The following CRYBA4 variants were observed in gnomAD, a reference collection of about 807,000 sequenced individuals.
The protein encoded by CRYBA4 is crystallin beta A4.
CRYBA4 carries 30 observed loss-of-function variants against 31.7 expected under a neutral mutation model. That is an observed-to-expected ratio of 0.95 (90% confidence interval 0.71 to 1.28). The LOEUF (loss-of-function observed/expected upper bound fraction) is 1.28, where lower values mean the gene tolerates loss of function less well. Ranked by LOEUF, CRYBA4 falls within the 50% of genes most tolerant of loss-of-function variation. CRYBA4 has a pLI of 0.00. For synonymous variants in CRYBA4, 102 were observed against 102.3 expected, an observed-to-expected ratio of 1.00 and a Z score of 0.02; for missense variants, 225 against 260.7, an observed-to-expected ratio of 0.86 and a Z score of 0.94.
At chr22:26,608,041 T>TG in the CRYBA4 span, 2 of 1,614,080 alleles carry the variant, frequency 1.2e-6, no homozygotes, top group Non-Finnish European at 1.7e-6. Flanking sequence ...AGAAGGACCA[T>TG]GAGGCAGACA....
chr22:26,622,285 C>T (rs1929554438), intron 1 of CRYBA4, among the ~76,000 whole-genome samples: 1 of 152,064 alleles, frequency 6.6e-6, no homozygotes, highest in Admixed American at 6.6e-5. Context: ...TGGGGTGATG[C>T]ACCCACCCAC....
At chr22:26,613,323 A>G in the CRYBA4 span, among the ~76,000 whole-genome samples, 1 of 152,102 alleles carries the variant, frequency 6.6e-6, no homozygotes, top group Non-Finnish European at 1.5e-5. Context: ...GGTTCATATA[A>G]CCATGACCCA....
intron 3 of CRYBA4, among the ~76,000 whole-genome samples, chr22:26,624,085 A>G (rs1183979286): frequency 2.0e-5 from 3 of 152,278 alleles, no homozygotes; most frequent in Non-Finnish European, 2.9e-5. Flanking sequence ...AGGTTCTAGA[A>G]GGTTGGAAAG....
At chr22:26,612,503 A>G in the CRYBA4 span, among the ~76,000 whole-genome samples, 106 of 152,226 alleles carry the variant, frequency 7.0e-4, no homozygotes, top group African/African-American at 2.5e-3. Context: ...TTGAGATTAC[A>G]GGCACCCACC....
chr22:26,602,645 T>C, the CRYBA4 span, among the ~76,000 whole-genome samples: 1 of 151,452 alleles, frequency 6.6e-6, no homozygotes, highest in East Asian at 1.9e-4. Flanking sequence ...ACAAAAAGGC[T>C]CAGAGAGGTC....
At chr22:26,595,448 G>A in the CRYBA4 span, among the ~76,000 whole-genome samples, 3 of 152,106 alleles carry the variant, frequency 2.0e-5, no homozygotes, top group East Asian at 1.9e-4. Flanking sequence ...GCATGGTGGC[G>A]CATGCCTATA....
At chr22:26,604,266 T>C in the CRYBA4 span, among the ~76,000 whole-genome samples, 1 of 152,256 alleles carries the variant, frequency 6.6e-6, no homozygotes, top group Non-Finnish European at 1.5e-5. Context: ...CTCAGTTTCC[T>C]TGCTTTTAAA....
upstream of CRYBA4, among the ~76,000 whole-genome samples, chr22:26,621,336 G>A: frequency 6.6e-6 from 1 of 152,096 alleles, no homozygotes; most frequent in African/African-American, 2.4e-5. Context: ...GGCCAATTGG[G>A]CTACCAGCTC....
the CRYBA4 span, among the ~76,000 whole-genome samples, chr22:26,595,579 CAA>C: frequency 3.7e-3 from 464 of 126,168 alleles, no homozygotes; most frequent in African/African-American, 6.2e-3. Context: ...AACTCCGTCT[CAA>C]AAAAAAAAAA....
rs1053759631 is a variant in CRYBA4 at position 26,630,445 on chromosome 22, C to T, written c.549C>T (p.Ala183=). The change falls in exon 6 of 6, where the codon GCC becomes GCT. Residue 183 remains alanine, a synonymous_variant. Transcript: ENST00000354760. ...YKHFREWGSH[A]PTFQVQSIRR... ...ATTTCCGGGAGTGGGGCTCTCATGC[C>T]CCGACCTTCCAGGTGCAGAGCATCC... The T allele has an allele frequency of 8.1e-6, 13 of 1,613,932 alleles. No homozygotes were observed. The highest frequency in any genetic ancestry group is 3.3e-5 in the South Asian group (3 of 91,020).
intron 4 of CRYBA4, among the ~76,000 whole-genome samples, chr22:26,626,634 G>T (rs886611582): frequency 1.3e-5 from 2 of 152,124 alleles, no homozygotes; most frequent in African/African-American, 4.8e-5. Flanking sequence ...TGCAATATTT[G>T]TAATACTTAC....
chr22:26,609,674 A>G, the CRYBA4 span, among the ~76,000 whole-genome samples: 1 of 152,214 alleles, frequency 6.6e-6, no homozygotes. Context: ...ATGGGTAAGT[A>G]GATGGATGAT....
the CRYBA4 span, among the ~76,000 whole-genome samples, chr22:26,606,884 A>G: frequency 6.6e-6 from 1 of 152,204 alleles, no homozygotes; most frequent in African/African-American, 2.4e-5. Context: ...AAAACTGTGA[A>G]TCACTTGGAG....
At chr22:26,592,396 C>A in the CRYBA4 span, among the ~76,000 whole-genome samples, 36 of 152,216 alleles carry the variant, frequency 2.4e-4, no homozygotes, top group Non-Finnish European at 4.4e-4. Flanking sequence ...AAGTGAGCAC[C>A]TGTAACTGAT....
At chr22:26,591,988 T>C in the CRYBA4 span, among the ~76,000 whole-genome samples, 1 of 151,956 alleles carries the variant, frequency 6.6e-6, no homozygotes, top group African/African-American at 2.4e-5. Context: ...TGTTCATTCA[T>C]TGGTCATTCA....
At chr22:26,605,343 G>A in the CRYBA4 span, among the ~76,000 whole-genome samples, 1 of 152,298 alleles carries the variant, frequency 6.6e-6, no homozygotes, top group East Asian at 1.9e-4. Flanking sequence ...TTGATGCACA[G>A]TTTTGCACTC....
chr22:26,620,751 C>T (rs1223331081), upstream of CRYBA4, among the ~76,000 whole-genome samples: 6 of 151,856 alleles, frequency 4.0e-5, no homozygotes, highest in Admixed American at 6.6e-5. Flanking sequence ...TTAGTAGAGA[C>T]GGGGTTTCAC....
the CRYBA4 span, among the ~76,000 whole-genome samples, chr22:26,613,866 G>A: frequency 3.9e-5 from 6 of 152,170 alleles, no homozygotes; most frequent in Admixed American, 1.3e-4. Context: ...GAGAAATATC[G>A]CTGAATTCTT....
chr22:26,615,151 C>T, the CRYBA4 span, among the ~76,000 whole-genome samples: 1 of 152,314 alleles, frequency 6.6e-6, no homozygotes, highest in Non-Finnish European at 1.5e-5. Context: ...CACATGAGAG[C>T]GTGTCATGAA....
Sources: allele counts gnomAD v4.1 joint callset (sites outside exome capture counted in the v4.1 genomes callset), GRCh38; gene constraint gnomAD v4.1.1; transcripts MANE v1.5; gene names NCBI Gene and HGNC (gene_info 2026-07-23, HGNC 2026-07-21).